ZNF254: variants seen among roughly 807,000 people sequenced by gnomAD.
ZNF254 encodes zinc finger protein 254.
ZNF254 carries 10 observed loss-of-function variants against 12.4 expected under a neutral mutation model. The observed-to-expected ratio is 0.80, with a 90% CI of 0.50 to 1.36. The LOEUF (loss-of-function observed/expected upper bound fraction) is 1.36, where lower values mean the gene tolerates loss of function less well. Ranked by LOEUF, ZNF254 falls within the 40% of genes most tolerant of loss-of-function variation. The probability of loss-of-function intolerance (pLI) is 0.00; values close to 1 mark genes in which losing one functional copy is unlikely to be tolerated. For synonymous variants in ZNF254, 305 were observed against 253.4 expected (o/e 1.20, Z -1.93); for missense variants, 996 against 763.9 (o/e 1.30, Z -3.58).
chr19:24,074,926 T>A (rs1266467992), intron 2 of ZNF254, among the ~76,000 whole-genome samples: 1 of 152,146 alleles, frequency 6.6e-6, no homozygotes, highest in Non-Finnish European at 1.5e-5. Context: ...ATTGTGACAT[T>A]TCTGGGCCCA....
intron 3 of ZNF254, among the ~76,000 whole-genome samples, chr19:24,111,645 C>T (rs1414230345): frequency 6.6e-6 from 1 of 152,248 alleles, no homozygotes; most frequent in African/African-American, 2.4e-5. Context: ...GATCGCCATT[C>T]TAACTGGTGT....
intron 2 of ZNF254, among the ~76,000 whole-genome samples, chr19:24,058,151 G>A (rs1250167832): frequency 6.6e-6 from 1 of 152,124 alleles, no homozygotes; most frequent in African/African-American, 2.4e-5. Flanking sequence ...ACACAGAAGC[G>A]GGTTATGTAC....
intron 1 of ZNF254, among the ~76,000 whole-genome samples, chr19:24,042,566 C>T (rs1319069186): frequency 1.3e-5 from 2 of 152,172 alleles, no homozygotes; most frequent in African/African-American, 4.8e-5. Flanking sequence ...AAGGAAGAAA[C>T]TCCGAACACA....
intron 2 of ZNF254, among the ~76,000 whole-genome samples, chr19:24,058,392 TTTTTCTTTCTTTCTTTCTTTC>T (rs1455816492): frequency 2.2e-3 from 246 of 111,898 alleles, no homozygotes; most frequent in African/African-American, 5.7e-3. Flanking sequence ...GGGAGTTTTC[TTTTTCTTTCTTTCTTTCTTTC>T]TTTTTTTTTT....
intron 1 of ZNF254, among the ~76,000 whole-genome samples, chr19:24,102,198 A>G (rs1973069838): frequency 6.7e-6 from 1 of 150,254 alleles, no homozygotes; most frequent in African/African-American, 2.4e-5. Context: ...TCAGATGTCT[A>G]TACCTGAACA....
intron 3 of ZNF254, 178 bp downstream of exon 3, chr19:24,106,821 T>C (rs1973372222): frequency 2.3e-6 from 1 of 442,072 alleles, no homozygotes; most frequent in Non-Finnish European, 4.0e-6. Flanking sequence ...GCCTATAAAA[T>C]CTAAGAATTC....
chr19:24,124,013 G>A (rs1474092291), intron 3 of ZNF254, among the ~76,000 whole-genome samples: 1 of 151,796 alleles, frequency 6.6e-6, no homozygotes, highest in Non-Finnish European at 1.5e-5. Context: ...AAGACTTACT[G>A]TTATTTTATT....
At chr19:24,049,200 A>ATTTTTTTTTTTTTTTT (rs1568426357) in intron 2 of ZNF254, among the ~76,000 whole-genome samples, 1 of 60,002 alleles carries the variant, frequency 1.7e-5, no homozygotes, top group Admixed American at 1.8e-4. Context: ...ATATATATAT[A>ATTTTTTTTTTTTTTTT]TATATATATA....
rs757634579 is a variant in ZNF254 at position 24,106,054 on chromosome 19, C to G, written c.145C>G (p.Leu49Val). ...TGTGATGTTAGAGAACTACAGAAAC[C>G]TGGCCTTCCTGGGTGAGGATAACTT... ...RNVMLENYRNLAFLGIAVSKP... is the reference protein window; with the variant it reads ...RNVMLENYRNVAFLGIAVSKP... Residue 49 changes from leucine (L) to valine (V), a missense_variant, in exon 2 of 4, where the codon CTG becomes GTG. Coordinates refer to ENST00000357002, the MANE Select transcript of ZNF254 (RefSeq NM_203282.4). 1.0e-5 allele frequency: 16 copies of G among 1,592,222 alleles called. No individual in the cohort carries two copies. Among genetic ancestry groups the G allele is most frequent in the Non-Finnish European group, 1.4e-5 (16 of 1,167,878 alleles).
At chr19:24,094,640 G>T (rs1204182716) in intron 1 of ZNF254, among the ~76,000 whole-genome samples, 2 of 151,924 alleles carry the variant, frequency 1.3e-5, no homozygotes, top group Non-Finnish European at 2.9e-5. Flanking sequence ...GTTGAGAGAA[G>T]GCATCTTTGC....
chr19:24,057,727 A>G (rs1970914441), intron 2 of ZNF254, among the ~76,000 whole-genome samples: 1 of 152,248 alleles, frequency 6.6e-6, no homozygotes, highest in South Asian at 2.1e-4. Flanking sequence ...TGACTTTCAG[A>G]CCAAGATTGA....
chr19:24,048,393 C>T (rs753241672), intron 2 of ZNF254, among the ~76,000 whole-genome samples: 37 of 152,246 alleles, frequency 2.4e-4, no homozygotes, highest in Non-Finnish European at 4.0e-4. Flanking sequence ...GCTGGCTTCT[C>T]CTTCTGGCTG....
Position 24,127,778 on chromosome 19 carries a change from A to C in ZNF254, c.1778A>C (p.Lys593Thr). 1 of 1,612,648 alleles carries C rather than the reference A, an allele frequency of 6.2e-7. No individual in the cohort carries two copies. The highest frequency in any genetic ancestry group is 8.5e-7 in the Non-Finnish European group (1 of 1,179,506). Residue 593 changes from lysine (K) to threonine (T), a missense_variant, in exon 4 of 4, where the codon AAG (lysine) becomes ACG (threonine). Physicochemically the swap from Lys to Thr is moderately conservative, Grantham distance 78. Coordinates refer to ENST00000357002, the MANE Select transcript of ZNF254 (RefSeq NM_203282.4). ...CGGTCTTCAACTTTTACTAAACATA[A>C]GGTAATTCATACTGGAGTAAAACCC... ...FNRSSTFTKH[K>T]VIHTGVKPYK...
At chr19:24,054,332 A>T (rs1017333833) in intron 2 of ZNF254, among the ~76,000 whole-genome samples, 15 of 152,184 alleles carry the variant, frequency 9.9e-5, no homozygotes, top group Non-Finnish European at 2.2e-4. Context: ...TACAGGTTAA[A>T]TGGTGACATA....
At chr19:24,115,548 T>A (rs1009506823) in intron 3 of ZNF254, among the ~76,000 whole-genome samples, 2 of 147,282 alleles carry the variant, frequency 1.4e-5, no homozygotes, top group East Asian at 4.2e-4. Context: ...GGGGGAGGGA[T>A]AGCATTGGGA....
intron 3 of ZNF254, among the ~76,000 whole-genome samples, chr19:24,114,032 A>G (rs1283390574): frequency 6.6e-6 from 1 of 151,812 alleles, no homozygotes; most frequent in Admixed American, 6.6e-5. Context: ...AAAAGAGGAT[A>G]CAAACAAATG....
At chr19:24,117,983 T>G (rs1375947487) in intron 3 of ZNF254, among the ~76,000 whole-genome samples, 1 of 152,048 alleles carries the variant, frequency 6.6e-6, no homozygotes, top group Non-Finnish European at 1.5e-5. Flanking sequence ...TGAAGTACAT[T>G]TATAACATAA....
At chr19:24,070,752 C>A (rs953068246) in intron 2 of ZNF254, among the ~76,000 whole-genome samples, 1 of 152,188 alleles carries the variant, frequency 6.6e-6, no homozygotes, top group Non-Finnish European at 1.5e-5. Context: ...GGGCCTGGCA[C>A]ACAGATGGGA....
chr19:24,091,099 C>A (rs541269480), intron 1 of ZNF254, among the ~76,000 whole-genome samples: 199 of 151,992 alleles, frequency 1.3e-3, no homozygotes, highest in African/African-American at 4.1e-3. Context: ...CAGGCACACA[C>A]CACCACACCT....
Sources: allele counts gnomAD v4.1 joint callset (sites outside exome capture counted in the v4.1 genomes callset), GRCh38; gene constraint gnomAD v4.1.1; transcripts MANE v1.5; gene names NCBI Gene and HGNC (gene_info 2026-07-23, HGNC 2026-07-21).